HLCS: variants seen among roughly 807,000 people sequenced by gnomAD.
HLCS encodes biotin--protein ligase.
In HLCS, 53 loss-of-function variants were observed where a neutral mutation model predicts 75.0. The ratio of observed to expected loss-of-function variants is 0.71; its 90% confidence interval spans 0.57 to 0.89. The LOEUF (loss-of-function observed/expected upper bound fraction) is 0.89. HLCS is among the 40% of genes least tolerant of loss of function. The pLI is 0.00. For missense variants in HLCS, 966 were observed against 1,074.0 expected, an observed-to-expected ratio of 0.90 and a Z score of 1.41; for synonymous variants, 431 against 428.6, an observed-to-expected ratio of 1.01 and a Z score of -0.07.
chr21:36,791,750 A>G (rs894406445), intron 6 of HLCS, among the ~76,000 whole-genome samples: 4 of 152,120 alleles, frequency 2.6e-5, no homozygotes, highest in African/African-American at 9.7e-5. Context: ...ACGGGGCTGC[A>G]TGGAATGCGG....
At chr21:36,989,383 G>T (rs912669419) in intron 1 of HLCS, among the ~76,000 whole-genome samples, 1 of 148,338 alleles carries the variant, frequency 6.7e-6, no homozygotes, top group Non-Finnish European at 1.5e-5. Flanking sequence ...GAGTGCAGCG[G>T]TGCAATCTCA....
intron 6 of HLCS, among the ~76,000 whole-genome samples, chr21:36,788,393 C>T (rs984018956): frequency 6.6e-6 from 1 of 152,190 alleles, no homozygotes; most frequent in Non-Finnish European, 1.5e-5. Context: ...TTAGGGCTGA[C>T]GGGCCTCCAG....
intron 5 of HLCS, among the ~76,000 whole-genome samples, chr21:36,907,368 A>G (rs2065504282): frequency 6.6e-6 from 1 of 152,174 alleles, no homozygotes; most frequent in Admixed American, 6.5e-5. Flanking sequence ...TTGAAGAGAT[A>G]ATGCTGGCCA....
At position 36,888,091 on chromosome 21, in the gene HLCS, C is replaced by T. The variant is rs1236391868; in HGVS notation, c.1892+8769G>A. On this transcript the variant is annotated intron_variant, in intron 6 of 10. Coordinates refer to ENST00000674895, the MANE Select transcript of HLCS (RefSeq NM_001352514.2). ...GCTTCCACCTGTGTCTCCAGCTTGA[C>T]TCTTGACTGGCATGCTACCAGCCAG... 3.3e-5 allele frequency among the ~76,000 whole-genome samples: 5 copies of T among 152,106 alleles called. No homozygotes were observed. In the East Asian group the frequency reaches 9.6e-4, roughly 29 times the overall value.
chr21:36,895,022 T>C (rs923239824), intron 6 of HLCS, among the ~76,000 whole-genome samples: 1 of 152,090 alleles, frequency 6.6e-6, no homozygotes, highest in African/African-American at 2.4e-5. Context: ...TCTCAGGGCG[T>C]GTGCTGCCCT....
Position 36,936,529 on chromosome 21 carries a change from G to A in HLCS, c.1357C>T (p.His453Tyr), listed in dbSNP as rs777718458. Residue 453 changes from histidine to tyrosine, a missense_variant, in exon 4 of 11, where the codon CAC (histidine) becomes TAC (tyrosine). Coordinates refer to ENST00000674895, the MANE Select transcript of HLCS (RefSeq NM_001352514.2). ...CTGTCCTTGTCCTCATTCTCCAGGT[G>A]GCCCTGGAGCCTGCCGGGGCTGAGC... ...VRLSPGRLQG[H>Y]LENEDKDRMI... 1.2e-6 allele frequency: 2 copies of A among 1,614,166 alleles called. No homozygotes were observed. The highest frequency in any genetic ancestry group is 1.7e-5 in the Admixed American group (1 of 60,030).
intron 5 of HLCS, among the ~76,000 whole-genome samples, chr21:36,923,749 AC>A (rs1204553443): frequency 6.6e-6 from 1 of 151,160 alleles, no homozygotes; most frequent in Non-Finnish European, 1.5e-5. Flanking sequence ...GCACAGGAAA[AC>A]CCCCCAAGTA....
intron 6 of HLCS, among the ~76,000 whole-genome samples, chr21:36,792,053 C>T (rs2060882907): frequency 6.6e-6 from 1 of 152,046 alleles, no homozygotes; most frequent in Non-Finnish European, 1.5e-5. Flanking sequence ...AGCTTTCAAA[C>T]CTAGAAGGTG....
At chr21:36,921,223 G>A (rs1235801418) in intron 5 of HLCS, among the ~76,000 whole-genome samples, 1 of 152,178 alleles carries the variant, frequency 6.6e-6, no homozygotes, top group African/African-American at 2.4e-5. Flanking sequence ...GAGGCAGGCG[G>A]ATCACAAGGT....
chr21:36,872,036 T>C (rs965040642), intron 6 of HLCS, among the ~76,000 whole-genome samples: 5 of 152,222 alleles, frequency 3.3e-5, no homozygotes, highest in African/African-American at 1.2e-4. Flanking sequence ...CATTTTCTTA[T>C]ACTTGCTTTA....
chr21:36,887,074 G>A (rs895569794), intron 6 of HLCS, among the ~76,000 whole-genome samples: 13 of 151,392 alleles, frequency 8.6e-5, no homozygotes, highest in South Asian at 4.2e-4. Flanking sequence ...AGGTTGCAGT[G>A]AGCCAAGATC....
intron 2 of HLCS, among the ~76,000 whole-genome samples, chr21:36,952,784 C>T (rs1450362498): frequency 3.8e-5 from 5 of 131,114 alleles, no homozygotes; most frequent in South Asian, 4.8e-4. Flanking sequence ...AGTGAGACTC[C>T]GTCTCAAAAA....
At position 36,836,684 on chromosome 21, in the gene HLCS, C is replaced by T. The variant is rs557781139; in HGVS notation, c.1892+60176G>A. On this transcript the variant is annotated intron_variant, in intron 6 of 10. Transcript: ENST00000674895. ...ATTTACAAGAAAAAAACAAACAACC[C>T]CATCAAAAAGTGGGCAAAGGACATG... Among the ~76,000 whole-genome samples, 138 of 151,640 alleles carry T rather than the reference C, an allele frequency of 9.1e-4. 1 individual carries two copies. Among genetic ancestry groups the T allele is most frequent in the African/African-American group, 3.2e-3 (132 of 41,320 alleles).
intron 2 of HLCS, among the ~76,000 whole-genome samples, chr21:36,956,672 GT>G (rs1236018466): frequency 3.3e-5 from 5 of 152,174 alleles, no homozygotes; most frequent in Middle Eastern, 3.2e-3. Context: ...AGGGTTGGCA[GT>G]GAGCCGAGAT....
intron 2 of HLCS, among the ~76,000 whole-genome samples, chr21:36,940,004 G>A (rs1212227428): frequency 6.6e-6 from 1 of 152,132 alleles, no homozygotes; most frequent in Non-Finnish European, 1.5e-5. Context: ...AGCTGAGATC[G>A]TGCCACTGCA....
chr21:36,886,065 CTT>C (rs112554670), intron 6 of HLCS, among the ~76,000 whole-genome samples: 21 of 146,942 alleles, frequency 1.4e-4, no homozygotes, highest in Admixed American at 6.1e-4. Context: ...ATGTTATCTA[CTT>C]TTTTTTTTTT....
chr21:36,966,995 C>A (rs2068636575), upstream of HLCS, among the ~76,000 whole-genome samples: 1 of 150,870 alleles, frequency 6.6e-6, no homozygotes, highest in Non-Finnish European at 1.5e-5. Context: ...GGTGCGGGGC[C>A]GCGCCAGGGC....
At chr21:36,934,094 G>A (rs1366071740) in intron 4 of HLCS, among the ~76,000 whole-genome samples, 1 of 152,136 alleles carries the variant, frequency 6.6e-6, no homozygotes, top group Non-Finnish European at 1.5e-5. Context: ...GGAGTGTGTG[G>A]GTGGTAGATT....
rs1187228031 is a variant in HLCS at position 36,750,435 on chromosome 21, C to T, written c.*3811G>A. On this transcript the variant is annotated 3_prime_UTR_variant, in exon 11 of 11. Transcript: ENST00000674895. ...AGAGCAGTGGGCTGGGTGTGGAGGGCAGCGCGGAGGGTATCTGCAAGAGCC... is the reference window on the plus strand; with the variant it reads ...AGAGCAGTGGGCTGGGTGTGGAGGGTAGCGCGGAGGGTATCTGCAAGAGCC... Among the ~76,000 whole-genome samples the T allele has an allele frequency of 2.0e-5, 3 of 152,186 alleles. No homozygotes were observed. The highest frequency in any genetic ancestry group is 4.4e-5 in the Non-Finnish European group (3 of 68,036).
Sources: allele counts gnomAD v4.1 joint callset (sites outside exome capture counted in the v4.1 genomes callset), GRCh38; gene constraint gnomAD v4.1.1; transcripts MANE v1.5; gene names NCBI Gene and HGNC (gene_info 2026-07-23, HGNC 2026-07-21).